Variants in VPS13D observed in about 807,000 individuals in gnomAD.
VPS13D encodes vacuolar protein sorting 13 homolog D.
In VPS13D, 187 loss-of-function variants were observed where a neutral mutation model predicts 461.9. That is an observed-to-expected ratio of 0.40 (90% CI 0.36 to 0.46). The LOEUF is 0.46. Ranked by LOEUF, VPS13D falls within the 20% of genes least tolerant of loss-of-function variation. VPS13D has a pLI of 0.60. For synonymous variants in VPS13D, 1,951 were observed against 1,986.3 expected (o/e 0.98, Z 0.47); for missense variants, 4,711 against 5,364.9 (o/e 0.88, Z 3.81).
chr1:12,510,525 CTGTG>C lies in VPS13D; in HGVS notation c.*1528_*1531del, dbSNP rs3831905. 0.016 allele frequency: 2,315 copies of C among 146,166 alleles called. 64 individuals are homozygous for C. The highest frequency in any genetic ancestry group is 0.13 in the East Asian group (636 of 4,958). The allele number at this position is 146,166 out of a possible 1,614,324, so 9.1% of individuals were successfully genotyped here. A position where few individuals can be genotyped will look rare whatever the true frequency, so the allele number is the denominator to read the frequency against. Reference sequence around the variant, plus strand: ...TCCCACTTCCCCTCTGTGTCTGTGTCTGTGTGTGTGTGTGTGTGTGTGTGTGTGT... The same window carrying C: ...TCCCACTTCCCCTCTGTGTCTGTGTCTGTGTGTGTGTGTGTGTGTGTGTGT... On this transcript the variant is annotated 3_prime_UTR_variant, in exon 70 of 70. Coordinates refer to ENST00000620676, the MANE Select transcript of VPS13D (RefSeq NM_015378.4).
Position 12,283,763 on chromosome 1 carries a change from TA to T in VPS13D, c.5634+29del, listed in dbSNP as rs757082059. 6 of 1,572,636 alleles carry T rather than the reference TA, an allele frequency of 3.8e-6. No homozygotes were observed. The African/African-American group carries it at 8.2e-5, about 22-fold the overall frequency. On this transcript the variant is annotated intron_variant, in intron 21 of 69. Coordinates refer to ENST00000620676, the MANE Select transcript of VPS13D (RefSeq NM_015378.4). ...TATCCTCAGTTCCCTTTGGCTCCCT[TA>T]AGCTCTAAAAATGGATTTGGGCTTG...
chr1:12,246,614 T>C (rs1008406941), intron 5 of VPS13D, among the ~76,000 whole-genome samples: 6 of 152,174 alleles, frequency 3.9e-5, no homozygotes, highest in African/African-American at 1.4e-4. Context: ...TCTGCAAACC[T>C]ATAAACCCTT....
intron 63 of VPS13D, among the ~76,000 whole-genome samples, chr1:12,406,854 A>G (rs1401686662): frequency 6.6e-6 from 1 of 152,100 alleles, no homozygotes; most frequent in African/African-American, 2.4e-5. Context: ...TCCTTTTTCC[A>G]TTTAGAGCAT....
intron 62 of VPS13D, among the ~76,000 whole-genome samples, chr1:12,402,877 T>C (rs528244295): frequency 2.5e-4 from 38 of 152,352 alleles, no homozygotes; most frequent in African/African-American, 8.2e-4. Flanking sequence ...ACTAAGGGGT[T>C]GCTTCCCATG....
rs1180765487 is a variant in VPS13D at position 12,385,361 on chromosome 1, G to A, written c.11472G>A (p.Glu3824=). ...AGAAATTAAAGAATCCAGATACAGA[G>A]CAGGAATTGGAAGTAAGGTCTAAAT... ...ELQKLKNPDT[E]QELEVLVRLE... is the part of the protein sequence containing the mutation. Residue 3824 remains glutamate (E), a synonymous_variant, in exon 59 of 70, where the codon GAG becomes GAA. Coordinates refer to ENST00000620676, the MANE Select transcript of VPS13D (RefSeq NM_015378.4). 6.2e-7 allele frequency: 1 copy of A among 1,612,156 alleles called. No individual in the cohort carries two copies. Among genetic ancestry groups the A allele is most frequent in the South Asian group, 1.1e-5 (1 of 90,604 alleles).
In VPS13D at chr1:12,258,109, T is replaced by C. The variant is rs776815703; in HGVS notation, c.1110+6T>C. ...TGCTGTCCACAGATGACAAGGTAAG[T>C]GGACTGTGGTCTTGTGTTTCTTGTC... is the stretch of plus-strand genomic sequence containing the variant. On this transcript the variant is annotated splice_donor_region_variant and intron_variant, in intron 10 of 69. Coordinates refer to ENST00000620676, the MANE Select transcript of VPS13D (RefSeq NM_015378.4). The C allele has an allele frequency of 2.1e-5, 34 of 1,613,688 alleles. No homozygotes were observed. Among genetic ancestry groups the C allele is most frequent in the Middle Eastern group, 1.6e-4 (1 of 6,082 alleles).
chr1:12,414,199 G>A (rs764651543), intron 63 of VPS13D, among the ~76,000 whole-genome samples: 16 of 151,936 alleles, frequency 1.1e-4, no homozygotes, highest in East Asian at 3.9e-4. Flanking sequence ...TGGGAGGATC[G>A]CGTGAGCCCA....
intron 25 of VPS13D, among the ~76,000 whole-genome samples, chr1:12,302,794 G>A (rs1006426452): frequency 7.5e-6 from 1 of 133,008 alleles, no homozygotes. Context: ...TTCATACTAT[G>A]TAAAGATGTT....
At chr1:12,373,325 T>C (rs1199226521) in intron 54 of VPS13D, among the ~76,000 whole-genome samples, 1 of 151,920 alleles carries the variant, frequency 6.6e-6, no homozygotes, top group Admixed American at 6.6e-5. Flanking sequence ...TTTGCCGTGT[T>C]GGTCAGGCTG....
intron 6 of VPS13D, among the ~76,000 whole-genome samples, chr1:12,249,791 C>CA (rs1226407178): frequency 6.6e-6 from 1 of 152,134 alleles, no homozygotes; most frequent in Non-Finnish European, 1.5e-5. Flanking sequence ...ACACTCTACA[C>CA]AAAAAACAAC....
chr1:12,432,138 A>G (rs1368560296), intron 65 of VPS13D, among the ~76,000 whole-genome samples: 1 of 152,204 alleles, frequency 6.6e-6, no homozygotes, highest in Non-Finnish European at 1.5e-5. Context: ...TTACACCTGT[A>G]ATCCCAGCAC....
chr1:12,378,698 A>G (rs1644234940), intron 56 of VPS13D, 107 bp downstream of exon 56: 1 of 1,197,980 alleles, frequency 8.3e-7, no homozygotes, highest in African/African-American at 1.6e-5. Flanking sequence ...AAAAATGTAT[A>G]TTTTTTTCAA....
At chr1:12,233,899 T>A (rs1640064994) in intron 1 of VPS13D, among the ~76,000 whole-genome samples, 1 of 151,936 alleles carries the variant, frequency 6.6e-6, no homozygotes, top group African/African-American at 2.4e-5. Flanking sequence ...ATACAAAAAA[T>A]CAGCTGGGTG....
At chr1:12,257,198 A>G (rs1199044941) in intron 9 of VPS13D, 111 bp downstream of exon 9, 1 of 919,292 alleles carries the variant, frequency 1.1e-6, no homozygotes, top group Non-Finnish European at 1.7e-6. Flanking sequence ...AGATAAAAGT[A>G]CAGTTGATTT....
chr1:12,241,776 A>G (rs1011142590), intron 2 of VPS13D, among the ~76,000 whole-genome samples: 2 of 152,174 alleles, frequency 1.3e-5, no homozygotes, highest in African/African-American at 2.4e-5. Flanking sequence ...TTTGAAGACC[A>G]GTTTCATTTA....
In VPS13D at chr1:12,298,642, A is replaced by G. The variant is rs1344219696; in HGVS notation, c.6034-560A>G. Among the ~76,000 whole-genome samples the G allele has an allele frequency of 3.5e-5, 5 of 141,790 alleles. No homozygotes were observed. The East Asian group carries it at 1.0e-3, about 28-fold the overall frequency. The allele number at this position is 141,790 out of a possible 152,430, so 93.0% of individuals were successfully genotyped here. ...GGGCAACACAGCAAGACTCTGTCTCAAAAAAAAAAAAAAAGTATGTTCTGT... is the reference window on the plus strand; with the variant it reads ...GGGCAACACAGCAAGACTCTGTCTCGAAAAAAAAAAAAAAGTATGTTCTGT... On this transcript the variant is annotated intron_variant, in intron 24 of 69. Transcript: ENST00000620676.
At chr1:12,338,062 G>T in intron 39 of VPS13D, 169 bp from the exon 40 acceptor site, 7 of 494,922 alleles carry the variant, frequency 1.4e-5, no homozygotes, top group Admixed American at 3.2e-5. Context: ...TGTTCACTTT[G>T]TCAAGTACAT....
At chr1:12,398,056 T>TA (rs1178455588) in intron 60 of VPS13D, among the ~76,000 whole-genome samples, 5 of 152,122 alleles carry the variant, frequency 3.3e-5, no homozygotes, top group Non-Finnish European at 7.3e-5. Context: ...CTGAATAGTG[T>TA]AAAGGAAGGG....
intron 27 of VPS13D, among the ~76,000 whole-genome samples, chr1:12,309,963 C>G (rs1642686617): frequency 6.6e-6 from 1 of 152,086 alleles, no homozygotes; most frequent in Non-Finnish European, 1.5e-5. Context: ...ACGTGTTATT[C>G]AAGTGCTCCC....
Sources: allele counts gnomAD v4.1 joint callset (sites outside exome capture counted in the v4.1 genomes callset), GRCh38; gene constraint gnomAD v4.1.1; transcripts MANE v1.5; gene names NCBI Gene and HGNC (gene_info 2026-07-23, HGNC 2026-07-21).